Variants in ANKS1B observed in about 807,000 individuals in gnomAD.
The protein encoded by ANKS1B is ankyrin repeat and sterile alpha motif domain containing 1B, also known as ankyrin repeat and sterile alpha motif domain-containing protein 1B.
In ANKS1B, 36 loss-of-function variants were observed where a neutral mutation model predicts 148.3. That is an observed-to-expected ratio of 0.24 (90% CI 0.19 to 0.32). ANKS1B has a LOEUF of 0.32. Ranked by LOEUF, ANKS1B falls within the 10% of genes least tolerant of loss-of-function variation. The pLI is 1.00. For missense variants in ANKS1B, 1,157 were observed against 1,542.6 expected (o/e 0.75, Z 4.19); for synonymous variants, 542 against 560.8 (o/e 0.97, Z 0.47).
intron 10 of ANKS1B, among the ~76,000 whole-genome samples, chr12:99,458,985 T>C (rs2095896729): frequency 6.6e-6 from 1 of 152,126 alleles, no homozygotes; most frequent in Admixed American, 6.5e-5. Flanking sequence ...CCAATATCCC[T>C]GATTAACATA....
chr12:99,671,078 A>C (rs755034913), intron 8 of ANKS1B, among the ~76,000 whole-genome samples: 1 of 152,220 alleles, frequency 6.6e-6, no homozygotes, highest in Non-Finnish European at 1.5e-5. Flanking sequence ...CCCATAATTC[A>C]GATGTTTGGA....
Position 99,725,026 on chromosome 12 carries a change from C to A in ANKS1B, c.1128+47896G>T, listed in dbSNP as rs118022158. 1.5e-3 allele frequency among the ~76,000 whole-genome samples: 223 copies of A among 152,276 alleles called. 1 individual carries two copies. The highest frequency in any genetic ancestry group is 6.8e-3 in the Middle Eastern group (2 of 294). On this transcript the variant is annotated intron_variant, in intron 8 of 26. Coordinates refer to ENST00000683438, the MANE Select transcript of ANKS1B (RefSeq NM_001352186.2). Reference sequence around the variant, plus strand: ...GGGAAGCACTAAATATGAAAAGGAACAACTGGTACCAGCCATTGCAAAGAC... The same window carrying A: ...GGGAAGCACTAAATATGAAAAGGAAAAACTGGTACCAGCCATTGCAAAGAC...
intron 10 of ANKS1B, among the ~76,000 whole-genome samples, chr12:99,467,993 C>G (rs188221460): frequency 1.3e-5 from 2 of 151,430 alleles, no homozygotes; most frequent in African/African-American, 4.9e-5. Context: ...CAATCCTAAG[C>G]CAAAAGAACA....
At chr12:99,380,912 T>C (rs1366162645) in intron 12 of ANKS1B, among the ~76,000 whole-genome samples, 2 of 152,126 alleles carry the variant, frequency 1.3e-5, no homozygotes, top group African/African-American at 4.8e-5. Flanking sequence ...ATGAAGTTCA[T>C]GAATTTACAA....
intron 1 of ANKS1B, among the ~76,000 whole-genome samples, chr12:99,876,672 G>A (rs2092085746): frequency 6.6e-6 from 1 of 150,942 alleles, no homozygotes; most frequent in Admixed American, 6.6e-5. Flanking sequence ...AGAGGTTGCA[G>A]TAAGCCAAGA....
At chr12:99,645,546 C>T (rs920982550) in intron 9 of ANKS1B, among the ~76,000 whole-genome samples, 2 of 151,656 alleles carry the variant, frequency 1.3e-5, no homozygotes, top group Non-Finnish European at 1.5e-5. Context: ...AATTATTAAC[C>T]CAATGACATA....
At chr12:99,415,095 A>T (rs10777981) in intron 11 of ANKS1B, among the ~76,000 whole-genome samples, 1 of 152,030 alleles carries the variant, frequency 6.6e-6, no homozygotes, top group Non-Finnish European at 1.5e-5. Flanking sequence ...TTTGGACTCA[A>T]TGTAGATATT....
At chr12:98,860,921 T>C (rs545210600) in intron 17 of ANKS1B, among the ~76,000 whole-genome samples, 6 of 152,334 alleles carry the variant, frequency 3.9e-5, no homozygotes, top group African/African-American at 1.2e-4. Flanking sequence ...TTTTCTCTAA[T>C]GGCCTGAAGC....
At chr12:98,757,957 T>TGC (rs1176195420) in intron 25 of ANKS1B, among the ~76,000 whole-genome samples, 1 of 98,702 alleles carries the variant, frequency 1.0e-5, no homozygotes, top group Non-Finnish European at 2.4e-5. Context: ...TGTGTGTGTG[T>TGC]GCACACGGGG....
intron 17 of ANKS1B, among the ~76,000 whole-genome samples, chr12:98,910,073 A>G (rs930151653): frequency 1.3e-5 from 2 of 152,140 alleles, no homozygotes; most frequent in Non-Finnish European, 2.9e-5. Flanking sequence ...TTCCTGACAG[A>G]CTCCAAGCCT....
At chr12:99,024,682 C>A (rs78627337) in intron 17 of ANKS1B, among the ~76,000 whole-genome samples, 2,061 of 152,104 alleles carry the variant, frequency 0.014, 33 homozygotes, top group South Asian at 0.045. Context: ...CTTAAAAAAC[C>A]CTTTCTTGCT....
chr12:99,806,177 T>G (rs1366587049), intron 4 of ANKS1B, among the ~76,000 whole-genome samples: 1 of 152,220 alleles, frequency 6.6e-6, no homozygotes, highest in Non-Finnish European at 1.5e-5. Flanking sequence ...TGCCATCTAC[T>G]AACTTCTCAT....
intron 10 of ANKS1B, among the ~76,000 whole-genome samples, chr12:99,478,755 C>T (rs1352566919): frequency 2.6e-5 from 4 of 151,934 alleles, no homozygotes; most frequent in African/African-American, 7.2e-5. Flanking sequence ...TACCAATAAC[C>T]GATTGTGAAG....
intron 8 of ANKS1B, among the ~76,000 whole-genome samples, chr12:99,683,819 A>G (rs2153488273): frequency 6.8e-6 from 1 of 147,994 alleles, no homozygotes; most frequent in East Asian, 2.5e-4. Context: ...GGATGGTTCA[A>G]CATACACAAA....
chr12:99,380,797 CT>C (rs774517894), intron 12 of ANKS1B, among the ~76,000 whole-genome samples: 1 of 115,048 alleles, frequency 8.7e-6, no homozygotes, highest in South Asian at 3.3e-4. Context: ...TCCTTCCTTC[CT>C]TCCTTTCTCA....
intron 9 of ANKS1B, among the ~76,000 whole-genome samples, chr12:99,514,904 A>C (rs1033655829): frequency 2.0e-5 from 3 of 151,996 alleles, no homozygotes; most frequent in Middle Eastern, 3.2e-3. Flanking sequence ...GCAATGCAAC[A>C]ATTTCTGACT....
chr12:98,987,931 A>G (rs1403464921), intron 17 of ANKS1B, among the ~76,000 whole-genome samples: 1 of 152,150 alleles, frequency 6.6e-6, no homozygotes, highest in Non-Finnish European at 1.5e-5. Flanking sequence ...TTTTTCAGTT[A>G]TAAGAACCAG....
intron 17 of ANKS1B, among the ~76,000 whole-genome samples, chr12:98,835,236 T>C (rs1395557040): frequency 6.6e-6 from 1 of 152,202 alleles, no homozygotes; most frequent in Non-Finnish European, 1.5e-5. Context: ...GCAGGTTACC[T>C]GACTCCTCTG....
At chr12:99,026,477 C>T (rs1189809033) in intron 17 of ANKS1B, among the ~76,000 whole-genome samples, 1 of 152,258 alleles carries the variant, frequency 6.6e-6, no homozygotes, top group East Asian at 1.9e-4. Flanking sequence ...AGACATCAGC[C>T]TCTAGATTAC....
Sources: allele counts gnomAD v4.1 joint callset (sites outside exome capture counted in the v4.1 genomes callset), GRCh38; gene constraint gnomAD v4.1.1; transcripts MANE v1.5; gene names NCBI Gene and HGNC (gene_info 2026-07-23, HGNC 2026-07-21).